The following MRTFB variants were observed in gnomAD, a reference collection of about 807,000 sequenced individuals.
MRTFB encodes the protein myocardin related transcription factor B, also known as myocardin-related transcription factor B.
A neutral mutation model predicts 104.2 loss-of-function variants in MRTFB; 29 were observed. The ratio of observed to expected loss-of-function variants is 0.28; its 90% CI spans 0.21 to 0.38. MRTFB has a LOEUF of 0.38. MRTFB is among the 10% of genes least tolerant of loss of function. The pLI, the probability that MRTFB is intolerant of heterozygous loss-of-function variation, is 1.00. For synonymous variants in MRTFB, 535 were observed against 519.5 expected (o/e 1.03, Z -0.41); for missense variants, 1,270 against 1,341.6 (o/e 0.95, Z 0.83).
At chr16:14,144,255 G>T (rs1401871383) in intron 3 of MRTFB, 1 of 152,138 alleles carries the variant, frequency 6.6e-6, no homozygotes, top group Non-Finnish European at 1.5e-5. Flanking sequence ...CTATGAGATT[G>T]TTCCCTCTTT....
At chr16:14,078,611 T>A (rs1596710990) in intron 1 of MRTFB, among the ~76,000 whole-genome samples, 2 of 150,560 alleles carry the variant, frequency 1.3e-5, no homozygotes, top group Non-Finnish European at 1.5e-5. Flanking sequence ...TTTTTTTTTT[T>A]AAAGAGACGG....
chr16:14,246,309 G>A (rs1046926093), intron 11 of MRTFB, among the ~76,000 whole-genome samples, 164 bp from the exon 12 acceptor site: 1 of 152,180 alleles, frequency 6.6e-6, no homozygotes, highest in African/African-American at 2.4e-5. Flanking sequence ...CTAGTCTGTA[G>A]TTATCTGTTT....
At chr16:14,207,728 C>T (rs543529989) in intron 3 of MRTFB, among the ~76,000 whole-genome samples, 12 of 152,216 alleles carry the variant, frequency 7.9e-5, no homozygotes, top group Admixed American at 2.0e-4. Flanking sequence ...TGTGTCTCTT[C>T]CATTTGGCTA....
At chr16:14,061,437 C>A in the MRTFB span, among the ~76,000 whole-genome samples, 6 of 152,120 alleles carry the variant, frequency 3.9e-5, no homozygotes, top group Non-Finnish European at 8.8e-5. Flanking sequence ...AGATAACTAC[C>A]AGGTTCTATG....
intron 3 of MRTFB, among the ~76,000 whole-genome samples, chr16:14,198,707 T>C (rs992535344): frequency 6.6e-6 from 1 of 152,200 alleles, no homozygotes; most frequent in African/African-American, 2.4e-5. Context: ...TTTCAACTTC[T>C]CCAAAAAGTT....
chr16:14,062,624 C>T, the MRTFB span, among the ~76,000 whole-genome samples: 5 of 152,130 alleles, frequency 3.3e-5, no homozygotes, highest in East Asian at 3.9e-4. Flanking sequence ...TGTAAGGGGT[C>T]GACGTCCTTG....
chr16:14,232,032 A>G (rs973930115), intron 8 of MRTFB, among the ~76,000 whole-genome samples: 8 of 152,206 alleles, frequency 5.3e-5, no homozygotes, highest in Admixed American at 1.3e-4. Flanking sequence ...CAGTCTAGAA[A>G]TTTAGGCAAG....
intron 3 of MRTFB, among the ~76,000 whole-genome samples, chr16:14,163,728 G>A (rs1395101980): frequency 6.6e-6 from 1 of 151,904 alleles, no homozygotes; most frequent in East Asian, 1.9e-4. Flanking sequence ...GGCTATTTGG[G>A]AGGCTGAGGC....
chr16:14,175,792 A>G (rs1027199203), intron 3 of MRTFB, among the ~76,000 whole-genome samples: 1 of 152,200 alleles, frequency 6.6e-6, no homozygotes, highest in African/African-American at 2.4e-5. Flanking sequence ...AAAGGAACCA[A>G]CCACCGATGA....
At chr16:14,114,845 A>C (rs905772741) in intron 2 of MRTFB, among the ~76,000 whole-genome samples, 2 of 152,142 alleles carry the variant, frequency 1.3e-5, no homozygotes, top group Non-Finnish European at 2.9e-5. Context: ...TTCCTGTCCA[A>C]ATCCATAACT....
chr16:14,178,026 A>G (rs1262585770), intron 3 of MRTFB, among the ~76,000 whole-genome samples: 1 of 151,942 alleles, frequency 6.6e-6, no homozygotes, highest in Non-Finnish European at 1.5e-5. Context: ...GGAAAGTCCA[A>G]ATCTTAGGAG....
At chr16:14,181,691 C>T (rs762684585) in intron 3 of MRTFB, among the ~76,000 whole-genome samples, 10 of 152,048 alleles carry the variant, frequency 6.6e-5, no homozygotes, top group South Asian at 2.1e-4. Flanking sequence ...GGAAATATTA[C>T]GAGGTTTTTT....
chr16:14,118,992 A>G (rs1359648817), intron 2 of MRTFB, among the ~76,000 whole-genome samples: 1 of 152,100 alleles, frequency 6.6e-6, no homozygotes, highest in Non-Finnish European at 1.5e-5. Context: ...TCTGTCAATG[A>G]GAGGTTTTGG....
chr16:14,012,161 G>A, the MRTFB span, among the ~76,000 whole-genome samples: 6 of 151,804 alleles, frequency 4.0e-5, no homozygotes, highest in East Asian at 1.9e-4. Flanking sequence ...CAGCGAGAAC[G>A]TACTGTTTAC....
At chr16:14,208,125 C>A (rs1345594970) in intron 3 of MRTFB, among the ~76,000 whole-genome samples, 3 of 152,184 alleles carry the variant, frequency 2.0e-5, no homozygotes, top group Admixed American at 2.0e-4. Flanking sequence ...TGTATGTTAC[C>A]CTCATGGTAG....
intron 2 of MRTFB, among the ~76,000 whole-genome samples, chr16:14,117,673 G>A (rs1331296018): frequency 6.6e-6 from 1 of 152,184 alleles, no homozygotes; most frequent in Non-Finnish European, 1.5e-5. Flanking sequence ...TTCCAGTGGA[G>A]GAGATGGTGC....
At chr16:14,174,145 A>G (rs1240373462) in intron 3 of MRTFB, among the ~76,000 whole-genome samples, 2 of 152,212 alleles carry the variant, frequency 1.3e-5, no homozygotes, top group Non-Finnish European at 2.9e-5. Flanking sequence ...TGCAATGATT[A>G]GTTCAACATG....
intron 2 of MRTFB, among the ~76,000 whole-genome samples, chr16:14,118,444 C>T (rs1406021705): frequency 1.3e-5 from 2 of 151,560 alleles, no homozygotes; most frequent in Non-Finnish European, 2.9e-5. Flanking sequence ...TGCCAAGCCT[C>T]CCCATCTTCT....
intron 3 of MRTFB, chr16:14,152,571 A>G (rs765817581): frequency 6.6e-6 from 1 of 152,164 alleles, no homozygotes; most frequent in African/African-American, 2.4e-5. Flanking sequence ...AAAGAAGAAT[A>G]TAATGCTAAA....
Sources: gnomAD v4.1 joint callset for allele counts (sites outside exome capture counted in the v4.1 genomes callset) on GRCh38, gnomAD v4.1.1 for gene constraint, MANE v1.5 for transcripts, NCBI Gene and HGNC (gene_info 2026-07-23, HGNC 2026-07-21) for gene names.